Variants in COLEC10 observed in about 807,000 individuals in gnomAD.
The protein encoded by COLEC10 is collectin subfamily member 10.
A neutral mutation model predicts 28.4 loss-of-function variants in COLEC10; 22 were observed. That is an observed-to-expected ratio of 0.78 (90% CI 0.55 to 1.11). The LOEUF (loss-of-function observed/expected upper bound fraction) is 1.11, where lower values mean the gene tolerates loss of function less well. COLEC10 is among the 50% of genes least tolerant of loss of function. The pLI is 0.00. For synonymous variants in COLEC10, 125 were observed against 116.1 expected, an observed-to-expected ratio of 1.08 and a Z score of -0.49; for missense variants, 361 against 344.1, an observed-to-expected ratio of 1.05 and a Z score of -0.39.
At chr8:118,976,190 C>A in the COLEC10 span, among the ~76,000 whole-genome samples, 1 of 152,052 alleles carries the variant, frequency 6.6e-6, no homozygotes, top group African/African-American at 2.4e-5. Context: ...TATTTTCCCA[C>A]TTCACCTCTA....
chr8:118,965,554 T>C, the COLEC10 span, among the ~76,000 whole-genome samples: 1 of 151,946 alleles, frequency 6.6e-6, no homozygotes, highest in Non-Finnish European at 1.5e-5. Flanking sequence ...ACCTATGCTG[T>C]AAATGCAAAG....
intron 2 of COLEC10, among the ~76,000 whole-genome samples, chr8:119,043,181 A>C (rs752703890): frequency 2.0e-5 from 3 of 152,200 alleles, no homozygotes; most frequent in Non-Finnish European, 4.4e-5. Flanking sequence ...AGGATTTATG[A>C]TGAATTCTGT....
chr8:118,998,143 A>G (rs1468992023), intron 1 of COLEC10, among the ~76,000 whole-genome samples: 2 of 140,502 alleles, frequency 1.4e-5, no homozygotes, highest in African/African-American at 5.7e-5. Context: ...GCTAACTCGC[A>G]AGGTTGACTT....
rs1449944682 is a variant in COLEC10, at chr8:119,055,747, C to A, written n.236-33933C>A. Among the ~76,000 whole-genome samples the A allele has an allele frequency of 2.0e-5, 3 of 152,046 alleles. No individual in the cohort carries two copies. In the South Asian group the frequency reaches 6.2e-4, roughly 31 times the overall value. ...AAGTATCAATTTCCTTTTTGCACTG[C>A]CAAAACATCGAAGAATCTTCCAGTT... On this transcript the variant is annotated intron_variant and non_coding_transcript_variant, in intron 2 of 6. Transcript: ENST00000521788.
Position 119,069,605 on chromosome 8 carries a change from C to CAAAAAAAAAAAAA in COLEC10, c.148+2189_148+2201dup, listed in dbSNP as rs138362458. 2.3e-4 allele frequency among the ~76,000 whole-genome samples: 2 copies of CAAAAAAAAAAAAA among 8,802 alleles called. 1 individual carries two copies. Among genetic ancestry groups the CAAAAAAAAAAAAA allele is most frequent in the Non-Finnish European group, 5.9e-4 (2 of 3,390 alleles). The allele number at this position is 8,802 out of a possible 152,430, so 5.8% of individuals were successfully genotyped here. A position where few individuals can be genotyped will look rare whatever the true frequency, so the allele number is the denominator to read the frequency against. On this transcript the variant is annotated intron_variant, in intron 1 of 5. Transcript: ENST00000332843. ...TGGACAACAGAGTGAGACCCCATCT[C>CAAAAAAAAAAAAA]AAAAAAAAAAAAAAAAAAAAAAAAA...
intron 2 of COLEC10, among the ~76,000 whole-genome samples, chr8:119,010,645 C>T (rs1813887102): frequency 6.6e-6 from 1 of 151,106 alleles, no homozygotes. Context: ...GTTCCTGTTG[C>T]TCCACATTCT....
chr8:118,960,455 A>G, the COLEC10 span, among the ~76,000 whole-genome samples: 1 of 152,188 alleles, frequency 6.6e-6, no homozygotes, highest in Non-Finnish European at 1.5e-5. Context: ...TAAGGGAGCC[A>G]TTGTAAATCT....
the COLEC10 span, among the ~76,000 whole-genome samples, chr8:118,980,024 GC>G: frequency 2.7e-3 from 405 of 152,100 alleles, 6 homozygotes; most frequent in African/African-American, 9.0e-3. Context: ...GAGAGATAGA[GC>G]CCAAGACAAA....
intron 2 of COLEC10, among the ~76,000 whole-genome samples, chr8:119,055,813 A>G (rs1002399612): frequency 2.0e-5 from 3 of 152,078 alleles, no homozygotes; most frequent in Non-Finnish European, 4.4e-5. Flanking sequence ...TTGACACTTT[A>G]CCAAATCCTA....
At chr8:119,056,013 T>A (rs1000190353) in intron 2 of COLEC10, among the ~76,000 whole-genome samples, 1 of 152,088 alleles carries the variant, frequency 6.6e-6, no homozygotes, top group African/African-American at 2.4e-5. Flanking sequence ...CATCTACTTC[T>A]CCTCACAATT....
At chr8:119,074,163 G>C (rs933320829) in intron 1 of COLEC10, among the ~76,000 whole-genome samples, 1 of 151,912 alleles carries the variant, frequency 6.6e-6, no homozygotes, top group South Asian at 2.1e-4. Flanking sequence ...GGAGTGGGGG[G>C]ACCTAGAGAC....
intron 2 of COLEC10, among the ~76,000 whole-genome samples, chr8:119,061,572 A>G (rs1814857103): frequency 6.6e-6 from 1 of 152,102 alleles, no homozygotes; most frequent in African/African-American, 2.4e-5. Flanking sequence ...GAATATCTTT[A>G]TACCTCAGGG....
chr8:119,093,777 G>T (rs1163988666), intron 3 of COLEC10, among the ~76,000 whole-genome samples: 4 of 152,122 alleles, frequency 2.6e-5, no homozygotes. Context: ...TTCTGTGTAT[G>T]TTTGTGCTTT....
the COLEC10 span, among the ~76,000 whole-genome samples, chr8:118,957,229 C>A: frequency 6.6e-6 from 1 of 152,214 alleles, no homozygotes; most frequent in African/African-American, 2.4e-5. Context: ...CAAAAGTCCC[C>A]ATACTTCTGA....
chr8:119,005,912 AAGGATTCCT>A (rs1813785380), intron 1 of COLEC10, among the ~76,000 whole-genome samples: 1 of 152,070 alleles, frequency 6.6e-6, no homozygotes, highest in South Asian at 2.1e-4. Context: ...TCTTAATCAC[AAGGATTCCT>A]ATTCATATAA....
intron 2 of COLEC10, among the ~76,000 whole-genome samples, chr8:119,038,157 T>C (rs540152314): frequency 5.9e-5 from 9 of 152,324 alleles, no homozygotes; most frequent in Admixed American, 6.5e-5. Context: ...CATAGTAAGA[T>C]AGAATAAACT....
chr8:119,060,509 G>T (rs975037472), intron 2 of COLEC10, among the ~76,000 whole-genome samples: 1 of 152,106 alleles, frequency 6.6e-6, no homozygotes, highest in Non-Finnish European at 1.5e-5. Flanking sequence ...ACAAGACTGA[G>T]ATTTTAACCC....
chr8:118,970,973 A>G, the COLEC10 span, among the ~76,000 whole-genome samples: 1 of 151,942 alleles, frequency 6.6e-6, no homozygotes, highest in African/African-American at 2.4e-5. Flanking sequence ...ATGGCCAAAG[A>G]TCAAGCCAGG....
At position 119,077,394 on chromosome 8, in the gene COLEC10, G is replaced by A. The variant is rs138411304; in HGVS notation, c.148+9965G>A. 9.8e-4 allele frequency among the ~76,000 whole-genome samples: 149 copies of A among 152,210 alleles called. 1 individual carries two copies. The highest frequency in any genetic ancestry group is 7.9e-4 in the Non-Finnish European group (54 of 68,004). ...TAATATTTTAACTCTGAACAGAAGAGTGTATGCAAAACTAAAATGTCCAGC... is the reference window on the plus strand; with the variant it reads ...TAATATTTTAACTCTGAACAGAAGAATGTATGCAAAACTAAAATGTCCAGC... On this transcript the variant is annotated intron_variant, in intron 1 of 5. Transcript: ENST00000332843.
Sources: gnomAD v4.1 joint callset for allele counts (sites outside exome capture counted in the v4.1 genomes callset) on GRCh38, gnomAD v4.1.1 for gene constraint, MANE v1.5 for transcripts, NCBI Gene and HGNC (gene_info 2026-07-23, HGNC 2026-07-21) for gene names.